RUFY2: variants seen among roughly 807,000 people sequenced by gnomAD.
RUFY2 encodes the protein RUN and FYVE domain-containing protein 2.
In RUFY2, 49 loss-of-function variants were observed where a neutral mutation model predicts 94.4. The ratio of observed to expected loss-of-function variants is 0.52; its 90% CI spans 0.41 to 0.66. The LOEUF (loss-of-function observed/expected upper bound fraction) is 0.66. Among genes scored for constraint, RUFY2 ranks in the 30% least tolerant of loss-of-function variants. The pLI is 0.00. For missense variants in RUFY2, 541 were observed against 692.8 expected (o/e 0.78, Z 2.46); for synonymous variants, 255 against 235.7 (o/e 1.08, Z -0.75).
chr10:68,372,562 AGAGT>A (rs757243839), intron 13 of RUFY2, among the ~76,000 whole-genome samples: 5 of 146,924 alleles, frequency 3.4e-5, no homozygotes, highest in Admixed American at 6.9e-5. Context: ...CCTCAGTGAC[AGAGT>A]GAGACCCCTC....
At chr10:68,358,416 G>A (rs570363696) in intron 15 of RUFY2, among the ~76,000 whole-genome samples, 6 of 152,106 alleles carry the variant, frequency 3.9e-5, no homozygotes, top group South Asian at 2.1e-4. Context: ...TGACTCTTAC[G>A]GTGGAAATAA....
At chr10:68,392,765 C>CAA (rs34336651) in intron 7 of RUFY2, among the ~76,000 whole-genome samples, 1 of 113,208 alleles carries the variant, frequency 8.8e-6, no homozygotes, top group Non-Finnish European at 2.0e-5. Context: ...TACTAAAATA[C>CAA]AAAAAAAAAA....
chr10:68,383,476 G>A lies in RUFY2; in HGVS notation c.939+322C>T, dbSNP rs549205132. Among the ~76,000 whole-genome samples the A allele has an allele frequency of 1.2e-4, 18 of 151,400 alleles. No individual in the cohort carries two copies. The South Asian group carries it at 1.9e-3, about 16-fold the overall frequency. On this transcript the variant is annotated intron_variant, in intron 10 of 17. Transcript: ENST00000602465. ...TCTACAAAAAATACAAAAATTAGCC[G>A]GGTGTGGTGGCACATGCCTTGTACT...
chr10:68,376,873 G>T lies in RUFY2; in HGVS notation c.1305C>A (p.Ile435=), dbSNP rs1479039871. 5 of 1,613,656 alleles carry T rather than the reference G, an allele frequency of 3.1e-6. No homozygotes were observed. The highest frequency in any genetic ancestry group is 1.7e-4 in the Middle Eastern group (1 of 6,060). The change falls in exon 13 of 18, where the codon ATC becomes ATA. Residue 435 remains isoleucine (I), a synonymous_variant. Coordinates refer to ENST00000602465, the MANE Select transcript of RUFY2 (RefSeq NM_001330103.2). ...LSKSDSLQKQ[I]SQKEKQLVQL... is the part of the protein sequence containing the mutation. ...CTCACAGCTGTTTCTCCTTTTGGGAGATTTGTTTCTGCAGACTATCAGATT... is the reference window on the plus strand; with the variant it reads ...CTCACAGCTGTTTCTCCTTTTGGGATATTTGTTTCTGCAGACTATCAGATT...
Position 68,381,301 on chromosome 10 carries a change from A to G in RUFY2, c.1038T>C (p.Thr346=). ...LEKDIHEKQD[T]LIGLRQQLEE... ...CTAGTTGTTGTCGAAGGCCTATCAGAGTATCTTGTTTCTCATGGATATCTT... is the reference window on the plus strand; with the variant it reads ...CTAGTTGTTGTCGAAGGCCTATCAGGGTATCTTGTTTCTCATGGATATCTT... The change falls in exon 11 of 18, where the codon ACT becomes ACC. Residue 346 remains threonine, a synonymous_variant. Transcript: ENST00000602465. The G allele has an allele frequency of 6.2e-7, 1 of 1,613,946 alleles. No individual in the cohort carries two copies. Among genetic ancestry groups the G allele is most frequent in the Non-Finnish European group, 8.5e-7 (1 of 1,179,924 alleles).
chr10:68,382,345 C>T (rs191421322), intron 10 of RUFY2, among the ~76,000 whole-genome samples: 1 of 151,740 alleles, frequency 6.6e-6, no homozygotes, highest in Admixed American at 6.6e-5. Context: ...CGTGAGCCAC[C>T]GTGCCCGGCC....
intron 3 of RUFY2, among the ~76,000 whole-genome samples, chr10:68,400,062 G>A (rs1434470706): frequency 1.3e-5 from 2 of 152,160 alleles, no homozygotes; most frequent in African/African-American, 2.4e-5. Flanking sequence ...TTACAGGCCT[G>A]AGCCACTGCG....
chr10:68,393,231 C>A, intron 6 of RUFY2, 28 bp from the exon 7 acceptor site: 1 of 1,334,368 alleles, frequency 7.5e-7, no homozygotes, highest in Non-Finnish European at 1.0e-6. Context: ...TAGCTTTGTG[C>A]TAGTTGAAAA....
intron 2 of RUFY2, among the ~76,000 whole-genome samples, chr10:68,402,561 G>C (rs572900654): frequency 6.6e-6 from 1 of 152,212 alleles, no homozygotes; most frequent in African/African-American, 2.4e-5. Flanking sequence ...AGGAAATACA[G>C]TCTAAAAATA....
chr10:68,389,778 C>T (rs564242579), intron 7 of RUFY2, among the ~76,000 whole-genome samples: 1 of 150,590 alleles, frequency 6.6e-6, no homozygotes, highest in South Asian at 2.1e-4. Flanking sequence ...AGGGACAACA[C>T]AAAGAGCTCT....
At chr10:68,372,956 C>CT (rs1455138193) in intron 13 of RUFY2, among the ~76,000 whole-genome samples, 1 of 151,186 alleles carries the variant, frequency 6.6e-6, no homozygotes, top group African/African-American at 2.4e-5. Flanking sequence ...CACAAAAAAA[C>CT]TTGGAGCTTC....
At chr10:68,404,558 A>G (rs902083282) in intron 2 of RUFY2, 113 bp downstream of exon 2, 15 of 578,448 alleles carry the variant, frequency 2.6e-5, no homozygotes, top group African/African-American at 1.9e-4. Flanking sequence ...AATCCACTCA[A>G]TATTTTTTAG....
chr10:68,377,085 AC>A, intron 12 of RUFY2, 113 bp from the exon 13 acceptor site: 1 of 1,539,612 alleles, frequency 6.5e-7, no homozygotes, highest in South Asian at 1.2e-5. Flanking sequence ...CTAAATGAAA[AC>A]AAAGTTTGGG....
intron 13 of RUFY2, among the ~76,000 whole-genome samples, chr10:68,365,959 ATTTTGT>A (rs2047780196): frequency 6.6e-6 from 1 of 152,162 alleles, no homozygotes; most frequent in East Asian, 1.9e-4. Context: ...GCAAAGGAAA[ATTTTGT>A]TTTTAAGTTA....
In RUFY2 at chr10:68,383,790, T is replaced by C. The variant is rs1160988621; in HGVS notation, c.939+8A>G. ...GATCTTGCTAATGTAATTTTTAATA[T>C]AACCTACCTGTCGTAACTGAGATTC... On this transcript the variant is annotated splice_region_variant and intron_variant, in intron 10 of 17. Coordinates refer to ENST00000602465, the MANE Select transcript of RUFY2 (RefSeq NM_001330103.2). 1 of 1,569,598 alleles carries C rather than the reference T, an allele frequency of 6.4e-7. No homozygotes were observed.
Position 68,376,486 on chromosome 10 carries a change from ATATATT to A in RUFY2, c.1325+361_1325+366del, listed in dbSNP as rs1163012244. Among the ~76,000 whole-genome samples, 216 of 74,946 alleles carry A rather than the reference ATATATT, an allele frequency of 2.9e-3. 4 individuals carry two copies. Among genetic ancestry groups the A allele is most frequent in the Non-Finnish European group, 5.7e-3 (180 of 31,504 alleles). 49.2% of individuals were successfully genotyped at this position (74,946 alleles called of 152,430 possible). On this transcript the variant is annotated intron_variant, in intron 13 of 17. Coordinates refer to ENST00000602465, the MANE Select transcript of RUFY2 (RefSeq NM_001330103.2). ...TATATATATATATATATATATATAT[ATATATT>A]CTCAGAAAACAGCATGTCCTTTAAT...
rs530406450 is a variant in RUFY2 at position 68,357,418 on chromosome 10, G to A, written c.1551-2017C>T. ...TAATTTTTGTATTTTTAGTAGAGAC[G>A]GGGTTTTTCCATGTTGGCCAAGCTG... On this transcript the variant is annotated intron_variant, in intron 15 of 17. Coordinates refer to ENST00000602465, the MANE Select transcript of RUFY2 (RefSeq NM_001330103.2). 3.0e-3 allele frequency among the ~76,000 whole-genome samples: 449 copies of A among 151,798 alleles called. 2 individuals are homozygous for A. The highest frequency in any genetic ancestry group is 0.01 in the African/African-American group (415 of 41,412).
At chr10:68,349,817 C>T (rs999205911) in intron 16 of RUFY2, among the ~76,000 whole-genome samples, 20 of 151,836 alleles carry the variant, frequency 1.3e-4, no homozygotes, top group East Asian at 5.8e-4. Context: ...GGATTACAGG[C>T]GTGAGCCACC....
intron 12 of RUFY2, chr10:68,377,211 TTTA>T (rs1483532136): frequency 1.5e-6 from 2 of 1,352,376 alleles, no homozygotes; most frequent in East Asian, 6.2e-5. Flanking sequence ...TCAAATTTGT[TTTA>T]TTTCTTGTTC....
Sources: allele counts gnomAD v4.1 joint callset (sites outside exome capture counted in the v4.1 genomes callset), GRCh38; gene constraint gnomAD v4.1.1; transcripts MANE v1.5; gene names NCBI Gene and HGNC (gene_info 2026-07-23, HGNC 2026-07-21).